The following TBX15 variants were observed in gnomAD, a reference collection of about 807,000 sequenced individuals.
The protein encoded by TBX15 is T-box transcription factor TBX15.
Under a neutral mutation model 53.9 loss-of-function variants are expected in TBX15, and 18 were observed. The ratio of observed to expected loss-of-function variants is 0.33; its 90% CI spans 0.23 to 0.49. The LOEUF (loss-of-function observed/expected upper bound fraction) is 0.49, where lower values mean the gene tolerates loss of function less well. Ranked by LOEUF, TBX15 falls within the 20% of genes least tolerant of loss-of-function variation. The pLI, the probability that TBX15 is intolerant of heterozygous loss-of-function variation, is 0.98. For missense variants in TBX15, 692 were observed against 749.5 expected, an observed-to-expected ratio of 0.92 and a Z score of 0.90; for synonymous variants, 295 against 278.0, an observed-to-expected ratio of 1.06 and a Z score of -0.61.
chr1:118,965,423 A>C, intron 1 of TBX15, among the ~76,000 whole-genome samples: 1 of 152,186 alleles, frequency 6.6e-6, no homozygotes, highest in East Asian at 1.9e-4. Flanking sequence ...AGACAAAAAT[A>C]TTTTCTAATA....
At chr1:118,966,289 T>C (rs1170700086) in intron 1 of TBX15, among the ~76,000 whole-genome samples, 1 of 152,200 alleles carries the variant, frequency 6.6e-6, no homozygotes, top group African/African-American at 2.4e-5. Context: ...CCTAATGGGC[T>C]GTCACCCAGC....
chr1:118,914,946 GC>G, intron 5 of TBX15, among the ~76,000 whole-genome samples: 1 of 152,250 alleles, frequency 6.6e-6, no homozygotes, highest in East Asian at 1.9e-4. Flanking sequence ...GTCCTCAGGG[GC>G]CATGTGGTTC....
chr1:118,923,008 C>T (rs1436787020), intron 5 of TBX15, among the ~76,000 whole-genome samples: 2 of 151,754 alleles, frequency 1.3e-5, no homozygotes, highest in African/African-American at 4.8e-5. Flanking sequence ...CTCTTACTCC[C>T]CTTCTTCTGA....
At chr1:118,950,303 T>C (rs1339607923) in intron 1 of TBX15, among the ~76,000 whole-genome samples, 1 of 152,222 alleles carries the variant, frequency 6.6e-6, no homozygotes, top group Non-Finnish European at 1.5e-5. Flanking sequence ...CAGGCTCTTG[T>C]CTGACTTGTG....
At position 118,908,465 on chromosome 1, in the gene TBX15, T is replaced by G. The variant is rs1360029338; in HGVS notation, c.926+5650A>C. Among the ~76,000 whole-genome samples the G allele has an allele frequency of 6.6e-5, 10 of 151,160 alleles. No homozygotes were observed. The East Asian group carries it at 1.9e-3, about 29-fold the overall frequency. Reference sequence around the variant, plus strand: ...TTACTGTCTCCCCAAGTAAGAGAAATCTCCCAGAGGCAACCCTGGATATTG... The same window carrying G: ...TTACTGTCTCCCCAAGTAAGAGAAAGCTCCCAGAGGCAACCCTGGATATTG... On this transcript the variant is annotated intron_variant, in intron 6 of 7. Transcript: ENST00000369429.
At chr1:118,977,240 A>T (rs1657463785) in intron 1 of TBX15, among the ~76,000 whole-genome samples, 1 of 152,192 alleles carries the variant, frequency 6.6e-6, no homozygotes, top group South Asian at 2.1e-4. Flanking sequence ...TGATAATAAG[A>T]TAGAGTATTT....
rs766099141 is a variant in TBX15 at position 118,885,041 on chromosome 1, G to A, written c.1500C>T (p.His500=). Residue 500 remains histidine, a synonymous_variant, in exon 8 of 8, where the codon CAC becomes CAT. Coordinates refer to ENST00000369429, the MANE Select transcript of TBX15 (RefSeq NM_001330677.2). ...AGGCATTGTAGGAGCTCTGCTGCAT[G>A]TGGCTGCCCCCGAACATGTGTGGTG... ...SSSPHMFGGS[H]MQQSSYNAFS... The A allele has an allele frequency of 2.5e-6, 4 of 1,614,148 alleles. No homozygotes were observed. The highest frequency in any genetic ancestry group is 3.4e-6 in the Non-Finnish European group (4 of 1,180,030).
At chr1:118,957,743 T>C (rs1656741078) in intron 1 of TBX15, among the ~76,000 whole-genome samples, 1 of 152,192 alleles carries the variant, frequency 6.6e-6, no homozygotes, top group Non-Finnish European at 1.5e-5. Flanking sequence ...GTCCTCGCGA[T>C]AGTTTGCTGA....
chr1:118,915,066 T>C (rs777934199), intron 5 of TBX15, among the ~76,000 whole-genome samples: 2 of 152,202 alleles, frequency 1.3e-5, no homozygotes, highest in Non-Finnish European at 2.9e-5. Context: ...AGAACAAGCC[T>C]GAACAACATA....
intron 1 of TBX15, among the ~76,000 whole-genome samples, chr1:118,945,701 G>A (rs1213998173): frequency 6.6e-6 from 1 of 152,160 alleles, no homozygotes; most frequent in Non-Finnish European, 1.5e-5. Flanking sequence ...CTGTTCAGAT[G>A]GGTGTGTTAA....
chr1:118,968,335 C>T (rs1657122516), intron 1 of TBX15, among the ~76,000 whole-genome samples: 1 of 152,158 alleles, frequency 6.6e-6, no homozygotes, highest in Non-Finnish European at 1.5e-5. Context: ...CTGCCTCAGT[C>T]TCCAGAGTAG....
At chr1:118,946,019 A>T (rs1656335729) in intron 1 of TBX15, among the ~76,000 whole-genome samples, 1 of 152,338 alleles carries the variant, frequency 6.6e-6, no homozygotes, top group South Asian at 2.1e-4. Context: ...TTCCCTTTTT[A>T]TACCAAGTAC....
chr1:118,925,759 C>A (rs1655575981), intron 3 of TBX15, among the ~76,000 whole-genome samples: 1 of 152,190 alleles, frequency 6.6e-6, no homozygotes, highest in African/African-American at 2.4e-5. Context: ...ATCTCTCTCC[C>A]CACTTGCCAT....
intron 6 of TBX15, among the ~76,000 whole-genome samples, chr1:118,913,650 G>C (rs1655096556): frequency 6.6e-6 from 1 of 152,028 alleles, no homozygotes; most frequent in Non-Finnish European, 1.5e-5. Flanking sequence ...GATATATTTT[G>C]GAACTATTTC....
intron 1 of TBX15, among the ~76,000 whole-genome samples, chr1:118,956,748 C>T (rs1375847671): frequency 6.6e-6 from 1 of 151,172 alleles, no homozygotes; most frequent in African/African-American, 2.4e-5. Flanking sequence ...GTCAGGAGAT[C>T]GAGACCATCC....
intron 1 of TBX15, among the ~76,000 whole-genome samples, chr1:118,933,262 C>T (rs945468824): frequency 5.9e-5 from 9 of 152,160 alleles, no homozygotes; most frequent in African/African-American, 2.2e-4. Flanking sequence ...AATAAAGTGC[C>T]CACAGGGGAA....
Position 118,944,043 on chromosome 1 carries a change from A to C in TBX15, c.206-12211T>G, listed in dbSNP as rs545993441. On this transcript the variant is annotated intron_variant, in intron 1 of 7. Transcript: ENST00000369429. ...AGAAAGAAGTTCACTTTTGGGGCAC[A>C]AGGCAATCATTGAGAGTGAAATCAT... Among the ~76,000 whole-genome samples, 22 of 152,286 alleles carry C rather than the reference A, an allele frequency of 1.4e-4. 3 individuals carry two copies. Among genetic ancestry groups the C allele is most frequent in the African/African-American group, 5.3e-4 (22 of 41,572 alleles).
At chr1:118,963,690 C>T (rs749654490) in intron 1 of TBX15, among the ~76,000 whole-genome samples, 4 of 152,196 alleles carry the variant, frequency 2.6e-5, no homozygotes, top group Non-Finnish European at 2.9e-5. Context: ...CCAGATTTCT[C>T]ACAGTATTAC....
chr1:118,915,397 TCA>T (rs1655184771), intron 5 of TBX15, among the ~76,000 whole-genome samples: 1 of 152,190 alleles, frequency 6.6e-6, no homozygotes, highest in Admixed American at 6.5e-5. Context: ...TAAAGGTCTT[TCA>T]AAGCAATGTG....
Sources: allele counts gnomAD v4.1 joint callset (sites outside exome capture counted in the v4.1 genomes callset), GRCh38; gene constraint gnomAD v4.1.1; transcripts MANE v1.5; gene names NCBI Gene and HGNC (gene_info 2026-07-23, HGNC 2026-07-21).